Variants in GCA observed in about 807,000 individuals in gnomAD.
GCA encodes the protein grancalcin, EF-hand calcium-binding protein.
GCA carries 30 observed loss-of-function variants against 32.6 expected under a neutral mutation model. The ratio of observed to expected loss-of-function variants is 0.92; its 90% CI spans 0.69 to 1.25. GCA has a LOEUF of 1.25. Ranked by LOEUF, GCA falls within the 50% of genes most tolerant of loss-of-function variation. The pLI is 0.00. For synonymous variants in GCA, 102 were observed against 84.6 expected, an observed-to-expected ratio of 1.21 and a Z score of -1.13; for missense variants, 291 against 266.8, an observed-to-expected ratio of 1.09 and a Z score of -0.63.
intron 3 of GCA, among the ~76,000 whole-genome samples, chr2:162,352,740 G>T (rs1576291651): frequency 6.6e-6 from 1 of 151,972 alleles, no homozygotes; most frequent in East Asian, 1.9e-4. Flanking sequence ...TGAAAGATGA[G>T]GATTTCACTT....
chr2:162,344,859 GC>G (rs956792278), intron 1 of GCA, among the ~76,000 whole-genome samples: 17 of 152,056 alleles, frequency 1.1e-4, no homozygotes, highest in East Asian at 7.7e-4. Flanking sequence ...CTGGTGGCTA[GC>G]CCCTTCTTTT....
chr2:162,319,032 C>T, upstream of GCA: 1 of 405,622 alleles, frequency 2.5e-6, no homozygotes. Flanking sequence ...CGGACGTGAA[C>T]AGGGAGTTAC....
rs141287457 is a variant in GCA at position 162,328,013 on chromosome 2, G to A, written c.-31+8788G>A. On this transcript the variant is annotated intron_variant, in intron 1 of 4. Transcript: ENST00000429691. ...CGTCTGCCTGGGCTCCCACTTTGGC[G>A]GCACTTGAGGAGCCCTTTAGCCCGT... is the stretch of plus-strand genomic sequence containing the variant. Among the ~76,000 whole-genome samples the A allele has an allele frequency of 2.2e-3, 335 of 152,176 alleles. 1 individual carries two copies. The highest frequency in any genetic ancestry group is 7.3e-3 in the African/African-American group (305 of 41,530).
downstream of GCA, chr2:162,373,403 TC>T: frequency 8.7e-7 from 1 of 1,145,468 alleles, no homozygotes; most frequent in Non-Finnish European, 1.2e-6. Flanking sequence ...CCCAAGTGAT[TC>T]TGATTAGGTG....
At chr2:162,349,398 G>A (rs755327886) in intron 2 of GCA, among the ~76,000 whole-genome samples, 1 of 151,792 alleles carries the variant, frequency 6.6e-6, no homozygotes, top group Admixed American at 6.6e-5. Flanking sequence ...TGCTGCTTCA[G>A]CATGTATTGC....
intron 3 of GCA, among the ~76,000 whole-genome samples, chr2:162,353,559 G>T (rs968691043): frequency 6.6e-6 from 1 of 152,172 alleles, no homozygotes; most frequent in African/African-American, 2.4e-5. Flanking sequence ...GATTGGCCAG[G>T]TATAGAATTC....
chr2:162,333,794 C>T (rs1337456851), intron 1 of GCA, among the ~76,000 whole-genome samples: 1 of 151,624 alleles, frequency 6.6e-6, no homozygotes, highest in Non-Finnish European at 1.5e-5. Context: ...ATCTCAGGAA[C>T]AGACTGCTTA....
intron 3 of GCA, among the ~76,000 whole-genome samples, chr2:162,354,299 A>G (rs184598460): frequency 2.1e-3 from 316 of 152,252 alleles, no homozygotes; most frequent in Non-Finnish European, 3.7e-3. Context: ...GGGTGTCAGT[A>G]TCTTTAGGGA....
At chr2:162,368,236 C>T (rs1005705275) in intron 4 of GCA, among the ~76,000 whole-genome samples, 2 of 152,094 alleles carry the variant, frequency 1.3e-5, no homozygotes, top group Admixed American at 6.6e-5. Flanking sequence ...CCTCTTCAAA[C>T]TCACATGATA....
chr2:162,360,126 C>A, intron 7 of GCA, 91 bp from the exon 8 acceptor site: 1 of 791,320 alleles, frequency 1.3e-6, no homozygotes, highest in Non-Finnish European at 2.0e-6. Flanking sequence ...ACTTTTCTCT[C>A]TTAAGAAAAT....
intron 1 of GCA, among the ~76,000 whole-genome samples, chr2:162,327,642 C>T (rs1683932582): frequency 1.3e-5 from 2 of 152,270 alleles, no homozygotes; most frequent in South Asian, 2.1e-4. Flanking sequence ...GCTGCAGGCA[C>T]GCCTAGGCAG....
downstream of GCA, among the ~76,000 whole-genome samples, chr2:162,365,259 A>G (rs187049100): frequency 6.6e-6 from 1 of 151,656 alleles, no homozygotes; most frequent in African/African-American, 2.4e-5. Context: ...TATATATACT[A>G]TATTTTCAAT....
intron 1 of GCA, among the ~76,000 whole-genome samples, chr2:162,334,667 T>G (rs948755516): frequency 8.5e-5 from 13 of 152,214 alleles, no homozygotes; most frequent in Non-Finnish European, 1.5e-5. Flanking sequence ...AATTGCATTT[T>G]GACTTATCTG....
chr2:162,351,519 G>A (rs1476779369), intron 2 of GCA, among the ~76,000 whole-genome samples: 2 of 152,168 alleles, frequency 1.3e-5, no homozygotes, highest in African/African-American at 4.8e-5. Flanking sequence ...AGTTTTGTAA[G>A]GGGTTCTTTT....
At chr2:162,370,443 G>A (rs970181462) in intron 4 of GCA, among the ~76,000 whole-genome samples, 2 of 152,010 alleles carry the variant, frequency 1.3e-5, no homozygotes, top group Non-Finnish European at 2.9e-5. Context: ...AATTTTATGA[G>A]ATACATATGT....
downstream of GCA, among the ~76,000 whole-genome samples, chr2:162,364,284 T>C (rs1300727581): frequency 6.6e-6 from 1 of 151,496 alleles, no homozygotes. Flanking sequence ...AGTATGAATA[T>C]CCCAGAAACA....
intron 5 of GCA, among the ~76,000 whole-genome samples, 161 bp from the exon 6 acceptor site, chr2:162,358,883 T>C (rs1330598346): frequency 6.6e-6 from 1 of 151,500 alleles, no homozygotes; most frequent in Non-Finnish European, 1.5e-5. Context: ...GGATTAACAG[T>C]GAAGCCTTTG....
At chr2:162,371,900 A>T, downstream of GCA, 1 of 1,613,826 alleles carries the variant, frequency 6.2e-7, no homozygotes, top group South Asian at 1.1e-5. Context: ...CTTAGGGATG[A>T]ATCTGGCAAA....
chr2:162,341,297 A>ATATATATATATATATC (rs1281042747), upstream of GCA, among the ~76,000 whole-genome samples: 1 of 140,022 alleles, frequency 7.1e-6, no homozygotes, highest in Non-Finnish European at 1.5e-5. Flanking sequence ...ATATATATAT[A>ATATATATATATATATC]TATGATTTAT....
Sources: gnomAD v4.1 joint callset for allele counts (sites outside exome capture counted in the v4.1 genomes callset) on GRCh38, gnomAD v4.1.1 for gene constraint, MANE v1.5 for transcripts, NCBI Gene and HGNC (gene_info 2026-07-23, HGNC 2026-07-21) for gene names.